F13A1: variants seen among roughly 807,000 people sequenced by gnomAD.
The protein encoded by F13A1 is FSF, A subunit.
F13A1 carries 47 observed loss-of-function variants against 80.1 expected under a neutral mutation model. That is an observed-to-expected ratio of 0.59 (90% CI 0.46 to 0.75). The LOEUF is 0.75. Among genes scored for constraint, F13A1 ranks in the 30% least tolerant of loss-of-function variants. The probability of loss-of-function intolerance (pLI) is 0.00; values close to 1 mark genes in which losing one functional copy is unlikely to be tolerated. For synonymous variants in F13A1, 349 were observed against 344.9 expected, an observed-to-expected ratio of 1.01 and a Z score of -0.13; for missense variants, 817 against 930.4, an observed-to-expected ratio of 0.88 and a Z score of 1.59.
intron 12 of F13A1, among the ~76,000 whole-genome samples, chr6:6,170,247 C>T (rs2151073635): frequency 6.6e-6 from 1 of 152,240 alleles, no homozygotes; most frequent in East Asian, 1.9e-4. Flanking sequence ...TATGTTTGAC[C>T]ACTGGATTTC....
rs117234397 is a variant in F13A1 at position 6,239,403 on chromosome 6, A to G, written c.798+8909T>C. 7.0e-3 allele frequency among the ~76,000 whole-genome samples: 1,067 copies of G among 152,266 alleles called. 24 individuals are homozygous for G. The highest frequency in any genetic ancestry group is 0.04 in the East Asian group (209 of 5,172). ...TTTGATTGGGGTGGTGATTACCCCA[A>G]TCAAAAGTCATTGAATTGTGCATTT... is the stretch of plus-strand genomic sequence containing the variant. On this transcript the variant is annotated intron_variant, in intron 6 of 14. Coordinates refer to ENST00000264870, the MANE Select transcript of F13A1 (RefSeq NM_000129.4).
intron 6 of F13A1, among the ~76,000 whole-genome samples, chr6:6,226,601 C>T (rs916329985): frequency 6.6e-6 from 1 of 152,138 alleles, no homozygotes; most frequent in Non-Finnish European, 1.5e-5. Flanking sequence ...TTTTGACTTG[C>T]TGTGTCTAGT....
intron 6 of F13A1, among the ~76,000 whole-genome samples, chr6:6,236,023 A>G (rs946016609): frequency 3.9e-5 from 6 of 152,158 alleles, no homozygotes; most frequent in African/African-American, 1.4e-4. Flanking sequence ...AGAATACAGT[A>G]AGGAAGCATA....
chr6:6,205,823 A>C (rs1196578464), intron 8 of F13A1, among the ~76,000 whole-genome samples: 1 of 146,074 alleles, frequency 6.8e-6, no homozygotes, highest in Non-Finnish European at 1.5e-5. Flanking sequence ...AAACAACAAA[A>C]ATTAAAATTA....
chr6:6,247,432 C>G (rs1373644064), intron 6 of F13A1, among the ~76,000 whole-genome samples: 1 of 152,136 alleles, frequency 6.6e-6, no homozygotes, highest in Non-Finnish European at 1.5e-5. Flanking sequence ...AAATAATCTA[C>G]TCTTCAGCCA....
chr6:6,210,260 C>A (rs1761578884), intron 8 of F13A1, among the ~76,000 whole-genome samples: 1 of 137,054 alleles, frequency 7.3e-6, no homozygotes, highest in Non-Finnish European at 1.6e-5. Flanking sequence ...TAAAAATATA[C>A]TAAAAATTAT....
At chr6:6,269,579 C>T (rs934659914) in intron 3 of F13A1, among the ~76,000 whole-genome samples, 4 of 152,096 alleles carry the variant, frequency 2.6e-5, no homozygotes, top group African/African-American at 9.7e-5. Context: ...CTGAAACCTC[C>T]CATTCAATCA....
Position 6,145,238 on chromosome 6 carries a change from G to GTA in F13A1, c.*380_*381insTA. On this transcript the variant is annotated 3_prime_UTR_variant, in exon 15 of 15. Coordinates refer to ENST00000264870, the MANE Select transcript of F13A1 (RefSeq NM_000129.4). ...TGCTATTATTCCCAAAAGGCTGAGTGGGGAATCTGAAGTCTTGTTTTAAAT... is the reference window on the plus strand; with the variant it reads ...TGCTATTATTCCCAAAAGGCTGAGTGTAGGGAATCTGAAGTCTTGTTTTAAAT... The GTA allele has an allele frequency of 3.6e-6, 1 of 280,330 alleles. No homozygotes were observed. The highest frequency in any genetic ancestry group is 3.9e-5 in the South Asian group (1 of 25,930). The allele number at this position is 280,330 out of a possible 1,614,324, so 17.4% of individuals were successfully genotyped here. A position where few individuals can be genotyped will look rare whatever the true frequency, so the allele number is the denominator to read the frequency against.
intron 14 of F13A1, 145 bp downstream of exon 14, chr6:6,151,668 C>T (rs1020579961): frequency 2.7e-5 from 29 of 1,091,190 alleles, no homozygotes; most frequent in Admixed American, 1.4e-4. Context: ...TTTTACTCCA[C>T]GCCCTACAGA....
rs111295037 is a variant in F13A1, at chr6:6,174,579, C to T, written c.1747+1G>A. On this transcript the variant is annotated splice_donor_variant, in intron 12 of 14. Coordinates refer to ENST00000264870, the MANE Select transcript of F13A1 (RefSeq NM_000129.4). LOFTEE classifies it high-confidence loss of function. ...AAAGAACCACACCATTGTTAGCTTA[C>T]AGGACAAGGGCTCCAGCGTCACGTC... The T allele has an allele frequency of 6.2e-7, 1 of 1,614,110 alleles. No homozygotes were observed. Among genetic ancestry groups the T allele is most frequent in the South Asian group, 1.1e-5 (1 of 91,076 alleles).
intron 2 of F13A1, among the ~76,000 whole-genome samples, chr6:6,310,661 T>C (rs1583126191): frequency 6.6e-6 from 1 of 152,208 alleles, no homozygotes; most frequent in Non-Finnish European, 1.5e-5. Context: ...CTCAGTTTTC[T>C]CATCTGCAAA....
chr6:6,171,780 C>G lies in F13A1; in HGVS notation c.1747+2800G>C, dbSNP rs1416037965. ...TATGGTCTGCACCCAGCACTGCCCCCTTGCCACCTTTGTTCCTGATTCTGG... is the reference window on the plus strand; with the variant it reads ...TATGGTCTGCACCCAGCACTGCCCCGTTGCCACCTTTGTTCCTGATTCTGG... On this transcript the variant is annotated intron_variant, in intron 12 of 14. Transcript: ENST00000264870. Among the ~76,000 whole-genome samples, 3 of 152,252 alleles carry G rather than the reference C, an allele frequency of 2.0e-5. No homozygotes were observed. In the East Asian group the frequency reaches 5.8e-4, roughly 29 times the overall value.
intron 4 of F13A1, among the ~76,000 whole-genome samples, chr6:6,257,216 A>G (rs74639297): frequency 0.026 from 3,944 of 152,224 alleles, 100 homozygotes; most frequent in Admixed American, 0.074. Context: ...TGTCACCATG[A>G]TATGTTTTTC....
At chr6:6,209,123 A>ATAGT (rs1386826107) in intron 8 of F13A1, among the ~76,000 whole-genome samples, 1 of 152,296 alleles carries the variant, frequency 6.6e-6, no homozygotes, top group African/African-American at 2.4e-5. Context: ...CATATAAAGA[A>ATAGT]TAGTTACAAT....
At chr6:6,287,195 G>A (rs890843200) in intron 3 of F13A1, among the ~76,000 whole-genome samples, 2 of 152,094 alleles carry the variant, frequency 1.3e-5, no homozygotes, top group Non-Finnish European at 2.9e-5. Flanking sequence ...GCAAGTTATC[G>A]CAGTGGGCAC....
At chr6:6,265,954 A>G (rs2113122897) in intron 4 of F13A1, among the ~76,000 whole-genome samples, 1 of 152,344 alleles carries the variant, frequency 6.6e-6, no homozygotes, top group South Asian at 2.1e-4. Context: ...TTGGTGCAAA[A>G]GTAATTGTGA....
chr6:6,282,730 G>A (rs1167870459), intron 3 of F13A1, among the ~76,000 whole-genome samples: 1 of 152,132 alleles, frequency 6.6e-6, no homozygotes, highest in African/African-American at 2.4e-5. Flanking sequence ...CCTCATCCAG[G>A]GTCACACCTC....
chr6:6,153,712 C>T (rs962488936), intron 13 of F13A1, among the ~76,000 whole-genome samples: 18 of 152,164 alleles, frequency 1.2e-4, no homozygotes, highest in African/African-American at 4.1e-4. Context: ...CAGCAATCCT[C>T]AGTCTGGTAA....
intron 8 of F13A1, among the ~76,000 whole-genome samples, chr6:6,201,094 A>G (rs556818268): frequency 1.9e-4 from 29 of 152,292 alleles, no homozygotes; most frequent in African/African-American, 7.0e-4. Flanking sequence ...TTTCACTGCT[A>G]CACCATCACC....
Sources: allele counts gnomAD v4.1 joint callset (sites outside exome capture counted in the v4.1 genomes callset), GRCh38; gene constraint gnomAD v4.1.1; transcripts MANE v1.5; gene names NCBI Gene and HGNC (gene_info 2026-07-23, HGNC 2026-07-21).